ANKRD11: variants seen among roughly 807,000 people sequenced by gnomAD.
ANKRD11 encodes the protein ankyrin repeat domain-containing protein 11.
Under a neutral mutation model 195.7 loss-of-function variants are expected in ANKRD11, and 17 were observed. That is an observed-to-expected ratio of 0.09 (90% confidence interval 0.06 to 0.13). The LOEUF is 0.13. Ranked by LOEUF, ANKRD11 falls within the 10% of genes least tolerant of loss-of-function variation. The pLI is 1.00. For missense variants in ANKRD11, 3,735 were observed against 3,566.1 expected, an observed-to-expected ratio of 1.05 and a Z score of -1.21; for synonymous variants, 1,953 against 1,528.1, an observed-to-expected ratio of 1.28 and a Z score of -6.49.
chr16:89,269,064 T>A (rs985554392), intron 12 of ANKRD11, among the ~76,000 whole-genome samples: 10 of 152,230 alleles, frequency 6.6e-5, no homozygotes, highest in African/African-American at 2.4e-4. Flanking sequence ...AACTATGCCA[T>A]TTAAAAGTGC....
At chr16:89,476,069 A>C (rs1056689368) in intron 1 of ANKRD11, among the ~76,000 whole-genome samples, 1 of 151,956 alleles carries the variant, frequency 6.6e-6, no homozygotes, top group East Asian at 1.9e-4. Flanking sequence ...AAAAAAAAGA[A>C]AAAGAAAACA....
At chr16:89,411,571 G>A (rs929190397) in intron 2 of ANKRD11, among the ~76,000 whole-genome samples, 2 of 151,952 alleles carry the variant, frequency 1.3e-5, no homozygotes, top group Non-Finnish European at 2.9e-5. Context: ...ACACAACCAC[G>A]CCTGGCTAAT....
intron 3 of ANKRD11, among the ~76,000 whole-genome samples, chr16:89,312,539 T>A (rs2036667458): frequency 6.6e-6 from 1 of 152,200 alleles, no homozygotes; most frequent in African/African-American, 2.4e-5. Context: ...CGGATCCAAG[T>A]CCAGCAAGCC....
At chr16:89,300,338 T>C (rs1567607060) in intron 4 of ANKRD11, 1 of 207,684 alleles carries the variant, frequency 4.8e-6, no homozygotes. Flanking sequence ...CGTGAGTGCC[T>C]TGGGACCCTC....
At position 89,268,570 on chromosome 16, in the gene ANKRD11, C is replaced by T. The variant is rs1597389172; in HGVS notation, c.7900G>A (p.Ala2634Thr). The T allele has an allele frequency of 2.6e-6, 4 of 1,531,722 alleles. No individual in the cohort carries two copies. In the South Asian group the frequency reaches 3.6e-5, roughly 14 times the overall value. The allele number at this position is 1,531,722 out of a possible 1,614,324, so 94.9% of individuals were successfully genotyped here. A position where few individuals can be genotyped will look rare whatever the true frequency, so the allele number is the denominator to read the frequency against. Reference protein sequence around the residue: ...WQLKVQELDPAGHKSLCVNEV... With the variant: ...WQLKVQELDPTGHKSLCVNEV... ...TTCACGCACAGGGACTTGTGCCCGG[C>T]GGGGTCCAGTTCCTGCACCTTCAGC... The change falls in exon 13 of 13, where the codon GCC becomes ACC. Residue 2634 changes from alanine to threonine, a missense_variant. Ala to Thr is a moderately conservative substitution (Grantham distance 58, BLOSUM62 0). Coordinates refer to ENST00000301030, the MANE Select transcript of ANKRD11 (RefSeq NM_013275.6).
intron 3 of ANKRD11, among the ~76,000 whole-genome samples, chr16:89,307,642 C>A (rs1335603039): frequency 3.3e-5 from 5 of 152,374 alleles, no homozygotes; most frequent in Admixed American, 3.3e-4. Context: ...TCCCGGCCCT[C>A]GGCCTGGGTG....
Position 89,283,205 on chromosome 16 carries a change from A to C in ANKRD11, c.3337T>G (p.Trp1113Gly), listed in dbSNP as rs1371327117. ...KDDKKGKEKSWYIADIFTDES... is the reference protein window; with the variant it reads ...KDDKKGKEKSGYIADIFTDES... ...TCTGTGAAGATGTCTGCGATGTACC[A>C]GCTTTTCTCTTTGCCTTTCTTGTCA... Residue 1113 changes from tryptophan (W) to glycine (G), a missense_variant, in exon 9 of 13, where the codon TGG (tryptophan) becomes GGG (glycine). Physicochemically the swap from Trp to Gly is radical, Grantham distance 184. Transcript: ENST00000301030. The surrounding 1 kb of genome is among the most constrained non-coding windows in gnomAD (Gnocchi z 4.3). The C allele has an allele frequency of 6.2e-7, 1 of 1,613,860 alleles. No homozygotes were observed. The highest frequency in any genetic ancestry group is 8.5e-7 in the Non-Finnish European group (1 of 1,180,016).
chr16:89,363,280 C>G (rs1467730231), intron 2 of ANKRD11, among the ~76,000 whole-genome samples: 1 of 152,044 alleles, frequency 6.6e-6, no homozygotes, highest in Non-Finnish European at 1.5e-5. Flanking sequence ...TCTAAATTCA[C>G]CCTGTATTTG....
chr16:89,426,529 T>TCA (rs55664494), intron 1 of ANKRD11, among the ~76,000 whole-genome samples: 37,229 of 141,860 alleles, frequency 0.26, 4,841 homozygotes, highest in East Asian at 0.34. Flanking sequence ...CACTTAAACA[T>TCA]CACACACACA....
chr16:89,344,199 T>C (rs1329634469), intron 2 of ANKRD11, among the ~76,000 whole-genome samples: 3 of 152,136 alleles, frequency 2.0e-5, no homozygotes, highest in Non-Finnish European at 2.9e-5. Context: ...AGCCCCTAAG[T>C]CATCACTAGG....
At position 89,405,491 on chromosome 16, in the gene ANKRD11, A is replaced by ATT. The variant is rs60792139; in HGVS notation, c.-60+12791_-60+12792dup. 3.9e-3 allele frequency among the ~76,000 whole-genome samples: 436 copies of ATT among 111,436 alleles called. 3 individuals carry two copies. The highest frequency in any genetic ancestry group is 0.013 in the African/African-American group (374 of 28,120). 73.1% of individuals were successfully genotyped at this position (111,436 alleles called of 152,430 possible). A position where few individuals can be genotyped will look rare whatever the true frequency, so the allele number is the denominator to read the frequency against. On this transcript the variant is annotated intron_variant, in intron 2 of 12. Coordinates refer to ENST00000301030, the MANE Select transcript of ANKRD11 (RefSeq NM_013275.6). ...AGGCACGTGCCACCACACCTGGCTC[A>ATT]TTTTTTTTTTTTTTTTTTTTTGGTA...
chr16:89,453,600 A>G (rs533416994), intron 1 of ANKRD11, among the ~76,000 whole-genome samples: 2 of 152,276 alleles, frequency 1.3e-5, no homozygotes, highest in East Asian at 3.9e-4. Context: ...GGCTAACAGA[A>G]AGGAGGCAAG....
chr16:89,342,171 A>C (rs1301700087), intron 2 of ANKRD11, among the ~76,000 whole-genome samples: 1 of 152,250 alleles, frequency 6.6e-6, no homozygotes, highest in Non-Finnish European at 1.5e-5. Flanking sequence ...TCTGGGCCTC[A>C]AAGCACAACA....
chr16:89,311,085 A>T (rs183825057), intron 3 of ANKRD11, among the ~76,000 whole-genome samples: 66 of 152,234 alleles, frequency 4.3e-4, no homozygotes, highest in African/African-American at 1.1e-3. Flanking sequence ...AGTTTGCAGA[A>T]TTTTTTTTAA....
chr16:89,416,241 G>T (rs1028258661), intron 2 of ANKRD11, among the ~76,000 whole-genome samples: 2 of 152,098 alleles, frequency 1.3e-5, no homozygotes, highest in African/African-American at 4.8e-5. Flanking sequence ...GGTCCTGTCA[G>T]CAGAGTTGCT....
Position 89,279,549 on chromosome 16 carries a change from C to T in ANKRD11, c.6993G>A (p.Glu2331=), listed in dbSNP as rs927673241. The change falls in exon 9 of 13, where the codon GAG becomes GAA. Residue 2331 remains glutamate, a synonymous_variant. Transcript: ENST00000301030. The surrounding 1 kb of genome is among the most constrained non-coding windows in gnomAD (Gnocchi z 5.6). ...AEAPKAPRVE[E]IPQRMTRNRA... ...GGTTCCTGGTCATGCGCTGAGGGAT[C>T]TCCTCCACTCGGGGGGCCTTCGGGG... 5 of 1,414,150 alleles carry T rather than the reference C, an allele frequency of 3.5e-6. No homozygotes were observed. The highest frequency in any genetic ancestry group is 4.8e-6 in the Non-Finnish European group (5 of 1,049,470). The allele number at this position is 1,414,150 out of a possible 1,614,324, so 87.6% of individuals were successfully genotyped here. A position where few individuals can be genotyped will look rare whatever the true frequency, so the allele number is the denominator to read the frequency against.
intron 11 of ANKRD11, chr16:89,271,187 T>G: frequency 2.1e-6 from 1 of 480,550 alleles, no homozygotes; most frequent in Non-Finnish European, 3.8e-6. Flanking sequence ...TCCCCAGCCC[T>G]GCCCCCAGGG....
intron 2 of ANKRD11, among the ~76,000 whole-genome samples, chr16:89,337,811 C>T (rs1359705437): frequency 1.3e-5 from 2 of 152,132 alleles, no homozygotes; most frequent in East Asian, 1.9e-4. Context: ...TTGCCCAAGT[C>T]GCACGAGCAA....
At chr16:89,461,250 CA>C (rs2056657497) in intron 1 of ANKRD11, among the ~76,000 whole-genome samples, 1 of 135,292 alleles carries the variant, frequency 7.4e-6, no homozygotes, top group South Asian at 2.7e-4. Flanking sequence ...GATTGGTGGT[CA>C]GGGGTTATGG....
Sources: allele counts gnomAD v4.1 joint callset (sites outside exome capture counted in the v4.1 genomes callset), GRCh38; gene constraint gnomAD v4.1.1; non-coding constraint Gnocchi (gnomAD v3.1); transcripts MANE v1.5; gene names NCBI Gene and HGNC (gene_info 2026-07-23, HGNC 2026-07-21).